FHIT: variants seen among roughly 807,000 people sequenced by gnomAD.
FHIT encodes bis(5'-adenosyl)-triphosphatase.
Under a neutral mutation model 17.9 loss-of-function variants are expected in FHIT, and 19 were observed. That is an observed-to-expected ratio of 1.06 (90% CI 0.74 to 1.56). The LOEUF (loss-of-function observed/expected upper bound fraction) is 1.56, where lower values mean the gene tolerates loss of function less well. FHIT is among the 40% of genes most tolerant of loss of function. The probability of loss-of-function intolerance (pLI) is 0.00; values close to 1 mark genes in which losing one functional copy is unlikely to be tolerated. For synonymous variants in FHIT, 81 were observed against 69.7 expected (o/e 1.16, Z -0.81); for missense variants, 248 against 189.2 (o/e 1.31, Z -1.82).
At chr3:59,806,876 CAT>C (rs952790362) in intron 8 of FHIT, among the ~76,000 whole-genome samples, 1 of 152,052 alleles carries the variant, frequency 6.6e-6, no homozygotes, top group Non-Finnish European at 1.5e-5. Context: ...GTGTAGTCCT[CAT>C]ATCAAGAAAA....
At chr3:61,007,746 C>T (rs995444005) in intron 3 of FHIT, among the ~76,000 whole-genome samples, 1 of 152,166 alleles carries the variant, frequency 6.6e-6, no homozygotes, top group Admixed American at 6.5e-5. Context: ...TGTAGGATCC[C>T]TTTTACCAGT....
intron 5 of FHIT, among the ~76,000 whole-genome samples, chr3:60,062,741 G>C (rs894053389): frequency 5.3e-5 from 8 of 152,116 alleles, no homozygotes; most frequent in African/African-American, 1.9e-4. Context: ...ATGAATTTTT[G>C]GATGAAATTA....
rs552663389 is a variant in FHIT, at chr3:61,042,856, A to G, written c.-163-757T>C. On this transcript the variant is annotated intron_variant, in intron 2 of 9. Coordinates refer to ENST00000492590, the MANE Select transcript of FHIT (RefSeq NM_002012.4). ...ATCTGACTCAAAAAAAAAAAAAATTAAACACTTTTTTTTAAAAAGTAAGGA... is the reference window on the plus strand; with the variant it reads ...ATCTGACTCAAAAAAAAAAAAAATTGAACACTTTTTTTTAAAAAGTAAGGA... Among the ~76,000 whole-genome samples the G allele has an allele frequency of 7.3e-5, 11 of 151,656 alleles. No homozygotes were observed. The South Asian group carries it at 2.3e-3, about 32-fold the overall frequency.
intron 5 of FHIT, among the ~76,000 whole-genome samples, chr3:60,167,909 G>A (rs1701248776): frequency 1.3e-5 from 2 of 152,124 alleles, no homozygotes. Flanking sequence ...GTATGCGCCT[G>A]TAGTCCCAGC....
At chr3:60,479,845 G>T (rs2033525194) in intron 5 of FHIT, among the ~76,000 whole-genome samples, 1 of 152,128 alleles carries the variant, frequency 6.6e-6, no homozygotes, top group Non-Finnish European at 1.5e-5. Flanking sequence ...TTCCAAAACT[G>T]TCCATCCCCC....
chr3:60,937,016 A>G (rs1431401762), intron 3 of FHIT, among the ~76,000 whole-genome samples: 12 of 132,904 alleles, frequency 9.0e-5, no homozygotes, highest in Non-Finnish European at 2.0e-4. Context: ...TGAAGTCTCA[A>G]TTTTCAGACC....
intron 5 of FHIT, among the ~76,000 whole-genome samples, chr3:60,313,631 C>G (rs1576461176): frequency 6.6e-6 from 1 of 152,182 alleles, no homozygotes; most frequent in Non-Finnish European, 1.5e-5. Context: ...TTCCACAAAG[C>G]TTTTTAAGTG....
chr3:60,304,371 G>A (rs530078249), intron 5 of FHIT, among the ~76,000 whole-genome samples: 1 of 151,890 alleles, frequency 6.6e-6, no homozygotes, highest in African/African-American at 2.4e-5. Context: ...TGGCTTATTG[G>A]AGCAAATGAC....
chr3:60,775,715 C>T (rs1467615604), intron 4 of FHIT, among the ~76,000 whole-genome samples: 3 of 152,162 alleles, frequency 2.0e-5, no homozygotes, highest in Non-Finnish European at 2.9e-5. Context: ...TTCTCATCCC[C>T]GTGGCCTTTT....
intron 5 of FHIT, among the ~76,000 whole-genome samples, chr3:60,337,989 A>G (rs1357191118): frequency 6.6e-6 from 1 of 152,132 alleles, no homozygotes; most frequent in Non-Finnish European, 1.5e-5. Flanking sequence ...TCGAACACCC[A>G]AGTTTCCATT....
chr3:61,146,452 A>T (rs2037229455), intron 2 of FHIT, among the ~76,000 whole-genome samples: 1 of 152,024 alleles, frequency 6.6e-6, no homozygotes, highest in African/African-American at 2.4e-5. Flanking sequence ...GGACTATAAA[A>T]TCTATGATCT....
At chr3:60,569,755 A>ATACATATATATATATATATATATT in intron 4 of FHIT, among the ~76,000 whole-genome samples, 8 of 77,336 alleles carry the variant, frequency 1.0e-4, no homozygotes, top group Admixed American at 2.0e-4. Flanking sequence ...ATATATATAT[A>ATACATATATATATATATATATATT]TTTTTTTTTT....
chr3:60,663,396 A>T (rs1451294558), intron 4 of FHIT, among the ~76,000 whole-genome samples: 2 of 151,440 alleles, frequency 1.3e-5, no homozygotes, highest in Admixed American at 1.3e-4. Context: ...GCATTTTGTA[A>T]TTTCATTATA....
chr3:60,218,672 A>T (rs1703811491), intron 5 of FHIT, among the ~76,000 whole-genome samples: 1 of 152,122 alleles, frequency 6.6e-6, no homozygotes, highest in Admixed American at 6.6e-5. Context: ...CTCAATACTA[A>T]TTACAGTCAT....
At chr3:60,499,185 G>A (rs745413359) in intron 5 of FHIT, among the ~76,000 whole-genome samples, 3 of 152,154 alleles carry the variant, frequency 2.0e-5, no homozygotes, top group African/African-American at 7.2e-5. Flanking sequence ...GGTGAATATA[G>A]CAAGGTATGA....
Position 60,390,416 on chromosome 3 carries a change from AAAAAAAAAAAAAC to A in FHIT, c.103+146431_103+146443del, listed in dbSNP as rs1222460145. Among the ~76,000 whole-genome samples, 23 of 130,090 alleles carry A rather than the reference AAAAAAAAAAAAAC, an allele frequency of 1.8e-4. 2 individuals are homozygous for A. Among genetic ancestry groups the A allele is most frequent in the African/African-American group, 6.1e-4 (22 of 36,318 alleles). 85.3% of individuals were successfully genotyped at this position (130,090 alleles called of 152,430 possible). On this transcript the variant is annotated intron_variant, in intron 5 of 9. Transcript: ENST00000492590. Reference sequence around the variant, plus strand: ...GGAGCTAAAAAAAAAAAAAAAAAAAAAAAAAAAAAAAACCCGTACCCTCTAGTATTTATTACAA... The same window carrying A: ...GGAGCTAAAAAAAAAAAAAAAAAAAACCGTACCCTCTAGTATTTATTACAA...
intron 3 of FHIT, among the ~76,000 whole-genome samples, chr3:60,837,919 TATA>T (rs1333652140): frequency 5.3e-5 from 8 of 152,152 alleles, no homozygotes; most frequent in African/African-American, 1.9e-4. Flanking sequence ...CCATTTATAA[TATA>T]ATTATTTTAA....
chr3:60,396,889 C>T (rs984218384), intron 5 of FHIT, among the ~76,000 whole-genome samples: 3 of 151,910 alleles, frequency 2.0e-5, no homozygotes, highest in Admixed American at 1.3e-4. Context: ...TTCCCCAGAA[C>T]ATTTAAAGAA....
Position 60,557,512 on chromosome 3 carries a change from C to T in FHIT, c.-17-20533G>A, listed in dbSNP as rs368283034. 2.0e-5 allele frequency among the ~76,000 whole-genome samples: 3 copies of T among 151,992 alleles called. No individual in the cohort carries two copies. In the East Asian group the frequency reaches 5.9e-4, roughly 30 times the overall value. On this transcript the variant is annotated intron_variant, in intron 4 of 9. Coordinates refer to ENST00000492590, the MANE Select transcript of FHIT (RefSeq NM_002012.4). ...GTTTTCCATAGGTATAAAGAGATTA[C>T]TCAGAGTCCATAAGGTGGCCATGCC...
Sources: allele counts gnomAD v4.1 joint callset (sites outside exome capture counted in the v4.1 genomes callset), GRCh38; gene constraint gnomAD v4.1.1; transcripts MANE v1.5; gene names NCBI Gene and HGNC (gene_info 2026-07-23, HGNC 2026-07-21).